Variants in MLLT6 observed in about 807,000 individuals in gnomAD.
MLLT6 encodes MLLT6, PHD finger containing, also known as protein AF-17.
A neutral mutation model predicts 103.0 loss-of-function variants in MLLT6; 22 were observed. The ratio of observed to expected loss-of-function variants is 0.21; its 90% CI spans 0.15 to 0.31. The LOEUF (loss-of-function observed/expected upper bound fraction) is 0.31. MLLT6 is among the 10% of genes least tolerant of loss of function. MLLT6 has a pLI of 1.00. For synonymous variants in MLLT6, 606 were observed against 623.5 expected (o/e 0.97, Z 0.42); for missense variants, 1,199 against 1,441.7 (o/e 0.83, Z 2.73).
rs774777797 is a variant in MLLT6, at chr17:38,722,745, C to A, written c.2860C>A (p.Leu954Met). Residue 954 changes from leucine (L) to methionine (M), a missense_variant, in exon 18 of 20, where the codon CTG (leucine) becomes ATG (methionine). By Grantham distance (15) the Leu-to-Met change is conservative. Coordinates refer to ENST00000621332, the MANE Select transcript of MLLT6 (RefSeq NM_005937.4). ...EQQLQQLQQL[L>M]ASPQLTPEHQ... ...GCAGCTCCAGCAACTCCAGCAGCTC[C>A]TGGCCTCCCCGCAGCTGACCCCGGT... 6.2e-7 allele frequency: 1 copy of A among 1,611,620 alleles called. No homozygotes were observed. The highest frequency in any genetic ancestry group is 2.2e-5 in the East Asian group (1 of 44,702).
intron 4 of MLLT6, 144 bp downstream of exon 4, chr17:38,708,016 C>T: frequency 1.6e-6 from 1 of 630,470 alleles, no homozygotes; most frequent in South Asian, 1.9e-5. Context: ...ACCAGTGAAC[C>T]ACCCTTCTGT....
rs1905048546 is a variant in MLLT6 at position 38,709,080 on chromosome 17, G to A, written c.355-93G>A. On this transcript the variant is annotated intron_variant, in intron 4 of 19. Transcript: ENST00000621332. The surrounding 1 kb of genome is among the most constrained non-coding windows in gnomAD (Gnocchi z 4.3). ...TGTGGGATAGCACTGATCTAAGACTGTAGAGAGCAAATGGAATGGAGGGGG... is the reference window on the plus strand; with the variant it reads ...TGTGGGATAGCACTGATCTAAGACTATAGAGAGCAAATGGAATGGAGGGGG... 4 of 920,212 alleles carry A rather than the reference G, an allele frequency of 4.3e-6. No homozygotes were observed. Among genetic ancestry groups the A allele is most frequent in the South Asian group, 1.5e-5 (1 of 68,640 alleles). The allele number at this position is 920,212 out of a possible 1,614,324, so 57.0% of individuals were successfully genotyped here. A position where few individuals can be genotyped will look rare whatever the true frequency, so the allele number is the denominator to read the frequency against.
Position 38,705,946 on chromosome 17 carries a change from C to G in MLLT6, c.109+205C>G, listed in dbSNP as rs542258809. ...GTTTTCTTGCCTATTGTTCCAGTTCCGCGCCCCCCACCCTAAGTTGAGGGA... is the reference window on the plus strand; with the variant it reads ...GTTTTCTTGCCTATTGTTCCAGTTCGGCGCCCCCCACCCTAAGTTGAGGGA... On this transcript the variant is annotated intron_variant, in intron 1 of 19. Transcript: ENST00000621332. 3 of 245,734 alleles carry G rather than the reference C, an allele frequency of 1.2e-5. No individual in the cohort carries two copies. The South Asian group carries it at 5.2e-4, about 43-fold the overall frequency. 15.2% of individuals were successfully genotyped at this position (245,734 alleles called of 1,614,324 possible).
At position 38,712,753 on chromosome 17, in the gene MLLT6, C is replaced by T; in HGVS notation, c.783C>T (p.Ser261=). ...KHKKRPESPP[S]ILTPPVVPTA... is the part of the protein sequence containing the mutation. ...AGAAGCGGCCTGAGTCGCCCCCCAGCATCCTCACCCCGCCCGTGGTCCCCA... is the reference window on the plus strand; with the variant it reads ...AGAAGCGGCCTGAGTCGCCCCCCAGTATCCTCACCCCGCCCGTGGTCCCCA... The change falls in exon 8 of 20, where the codon AGC becomes AGT. Residue 261 remains serine (S), a synonymous_variant. Coordinates refer to ENST00000621332, the MANE Select transcript of MLLT6 (RefSeq NM_005937.4). 1 of 1,613,912 alleles carries T rather than the reference C, an allele frequency of 6.2e-7. No homozygotes were observed. The highest frequency in any genetic ancestry group is 8.5e-7 in the Non-Finnish European group (1 of 1,179,822).
chr17:38,718,141 G>C (rs958132400), intron 12 of MLLT6, 188 bp downstream of exon 12: 1 of 503,546 alleles, frequency 2.0e-6, no homozygotes, highest in African/African-American at 2.0e-5. Context: ...TTGGGAGGCC[G>C]AGGCGGGTGG....
At chr17:38,707,721 G>A (rs111935310) in intron 3 of MLLT6, 42 bp from the exon 4 acceptor site, 178 of 1,356,224 alleles carry the variant, frequency 1.3e-4, no homozygotes, top group South Asian at 7.3e-4. Flanking sequence ...TGGAGTCTCC[G>A]GCTTGCCATC....
intron 16 of MLLT6, chr17:38,720,998 G>C (rs1161152380): frequency 1.7e-6 from 1 of 574,834 alleles, no homozygotes; most frequent in African/African-American, 1.9e-5. Flanking sequence ...AGCAAAGAAG[G>C]AGTAATCACA....
intron 14 of MLLT6, 34 bp from the exon 15 acceptor site, chr17:38,720,338 C>T (rs1905647776): frequency 2.0e-6 from 3 of 1,511,540 alleles, no homozygotes; most frequent in Non-Finnish European, 2.7e-6. Flanking sequence ...TCCGCCCCCT[C>T]GCCCCTCCCT....
At chr17:38,714,743 C>CA (rs1905263702) in intron 8 of MLLT6, 4 of 152,410 alleles carry the variant, frequency 2.6e-5, no homozygotes, top group Admixed American at 2.0e-4. Context: ...AACTCCATCT[C>CA]AAAAATAAAT....
intron 8 of MLLT6, chr17:38,713,151 GC>G: frequency 1.5e-6 from 1 of 657,330 alleles, no homozygotes. Flanking sequence ...CATCCCCTAC[GC>G]CCCATCAGGA....
chr17:38,724,761 A>G lies in MLLT6; in HGVS notation c.3025A>G (p.Thr1009Ala). The G allele has an allele frequency of 1.9e-6, 3 of 1,608,700 alleles. No individual in the cohort carries two copies. The highest frequency in any genetic ancestry group is 2.5e-6 in the Non-Finnish European group (3 of 1,178,002). Residue 1009 changes from threonine (T) to alanine (A), a missense_variant, in exon 19 of 20, where the codon ACC becomes GCC. Thr to Ala is a moderately conservative substitution (Grantham distance 58, BLOSUM62 0). Around this residue, in one of 7 missense-constraint regions of MLLT6, gnomAD observed 1,034 missense variants for 1,091.5 expected, o/e 0.95. Transcript: ENST00000621332. This position sits in a 1 kb window ranked among gnomAD's most constrained non-coding sequence, Gnocchi z 5.4. ...CTCCACCCCGCTGCTGTCTGCGGGTACCCCTGGCCTGCTGCCCACAGCGTC... is the reference window on the plus strand; with the variant it reads ...CTCCACCCCGCTGCTGTCTGCGGGTGCCCCTGGCCTGCTGCCCACAGCGTC... ...GSSTPLLSAG[T>A]PGLLPTASAP...
Position 38,716,535 on chromosome 17 carries a change from G to C in MLLT6, c.1205G>C (p.Gly402Ala). ...TTTGAGCAGAAGGTGGTCTTCTCTG[G>C]CTTTGGGCCCATCATGCGCTTCTCC... is the stretch of plus-strand genomic sequence containing the variant. Reference protein sequence around the residue: ...DLFEQKVVFSGFGPIMRFSTT... With the variant: ...DLFEQKVVFSAFGPIMRFSTT... Residue 402 changes from glycine (G) to alanine (A), a missense_variant, in exon 10 of 20, where the codon GGC becomes GCC. By Grantham distance (60) the Gly-to-Ala change is moderately conservative. Coordinates refer to ENST00000621332, the MANE Select transcript of MLLT6 (RefSeq NM_005937.4). The surrounding 1 kb of genome is among the most constrained non-coding windows in gnomAD (Gnocchi z 5.6). 1 of 1,614,144 alleles carries C rather than the reference G, an allele frequency of 6.2e-7. No homozygotes were observed. The highest frequency in any genetic ancestry group is 8.5e-7 in the Non-Finnish European group (1 of 1,180,034).
In MLLT6 at chr17:38,726,690, C is replaced by T; in HGVS notation, c.*1092C>T. On this transcript the variant is annotated 3_prime_UTR_variant, in exon 20 of 20. Transcript: ENST00000621332. Reference sequence around the variant, plus strand: ...AGGGCCCCCTTAGGGCCCCCTACCCCACTGATAGCTTCCTCCTTCTCTGGC... The same window carrying T: ...AGGGCCCCCTTAGGGCCCCCTACCCTACTGATAGCTTCCTCCTTCTCTGGC... 4.3e-6 allele frequency: 1 copy of T among 233,586 alleles called. No homozygotes were observed. The highest frequency in any genetic ancestry group is 8.5e-6 in the Non-Finnish European group (1 of 118,032). 14.5% of individuals were successfully genotyped at this position (233,586 alleles called of 1,614,324 possible).
At position 38,715,770 on chromosome 17, in the gene MLLT6, C is replaced by T. The variant is rs532673448; in HGVS notation, c.978C>T (p.Ser326=). The T allele has an allele frequency of 1.4e-5, 22 of 1,613,246 alleles. No homozygotes were observed. The highest frequency in any genetic ancestry group is 1.3e-4 in the East Asian group (6 of 44,872). The change falls in exon 9 of 20, where the codon TCC becomes TCT. Residue 326 remains serine, a synonymous_variant. Coordinates refer to ENST00000621332, the MANE Select transcript of MLLT6 (RefSeq NM_005937.4). ...SSGKGVSSFT[S]ASSSSSSSSS... ...GGAAAGGTGTGAGCAGTTTTACCTCCGCCTCCTCTTCTTCCTCCTCCTCTT... is the reference window on the plus strand; with the variant it reads ...GGAAAGGTGTGAGCAGTTTTACCTCTGCCTCCTCTTCTTCCTCCTCCTCTT...
chr17:38,712,885 C>A, intron 8 of MLLT6, 96 bp downstream of exon 8: 2 of 832,990 alleles, frequency 2.4e-6, no homozygotes, highest in Non-Finnish European at 4.2e-6. Context: ...GGGACCTGGG[C>A]ACCCTCCCCA....
chr17:38,724,885 C>T lies in MLLT6; in HGVS notation c.3149C>T (p.Ala1050Val), dbSNP rs1176278653. 4 of 1,557,798 alleles carry T rather than the reference C, an allele frequency of 2.6e-6. No homozygotes were observed. Among genetic ancestry groups the T allele is most frequent in the South Asian group, 2.4e-5 (2 of 84,868 alleles). Residue 1050 changes from alanine to valine, a missense_variant, in exon 19 of 20, where the codon GCA becomes GTA. Ala to Val is a moderately conservative substitution (Grantham distance 64). Around this residue, in one of 7 missense-constraint regions of MLLT6, gnomAD observed 55 missense variants for 93.3 expected, o/e 0.59. Transcript: ENST00000621332. This position sits in a 1 kb window ranked among gnomAD's most constrained non-coding sequence, Gnocchi z 5.4. ...AAAAAAAAVA[A>V]AGGPPVLTAQ... ...GCAGCTGCAGCTGCAGCAGTAGCAG[C>T]AGCAGGCGGACCTCCAGTCCTCACT...
intron 8 of MLLT6, among the ~76,000 whole-genome samples, chr17:38,715,083 T>C (rs1905279702): frequency 6.6e-6 from 1 of 152,104 alleles, no homozygotes; most frequent in Admixed American, 6.6e-5. Context: ...GGCAAACGCT[T>C]AGTGTGTGCA....
intron 14 of MLLT6, 53 bp from the exon 15 acceptor site, chr17:38,720,318 TG>T: frequency 1.5e-5 from 1 of 65,202 alleles, no homozygotes; most frequent in Admixed American, 3.2e-4. Flanking sequence ...CCCGGTCCCC[TG>T]GCCCCGCCTC....
chr17:38,725,838 C>G lies in MLLT6; in HGVS notation c.*240C>G, dbSNP rs2143717271. ...CGCTTTGTGAGGCTCAGAGGAAGGA[C>G]AGTCTGCAAGCCCGCCTAGGAGGTC... On this transcript the variant is annotated 3_prime_UTR_variant, in exon 20 of 20. Coordinates refer to ENST00000621332, the MANE Select transcript of MLLT6 (RefSeq NM_005937.4). 2.0e-6 allele frequency: 1 copy of G among 492,998 alleles called. No homozygotes were observed. The highest frequency in any genetic ancestry group is 3.5e-6 in the Non-Finnish European group (1 of 283,868). The allele number at this position is 492,998 out of a possible 1,614,324, so 30.5% of individuals were successfully genotyped here. A position where few individuals can be genotyped will look rare whatever the true frequency, so the allele number is the denominator to read the frequency against.
Sources: gnomAD v4.1 joint callset for allele counts (sites outside exome capture counted in the v4.1 genomes callset) on GRCh38, gnomAD v4.1.1 for gene constraint, gnomAD v4.1.1 regional missense constraint, Gnocchi (gnomAD v3.1) non-coding constraint, MANE v1.5 for transcripts, NCBI Gene and HGNC (gene_info 2026-07-23, HGNC 2026-07-21) for gene names.